The following SAG variants were observed in gnomAD, a reference collection of about 807,000 sequenced individuals.
The protein encoded by SAG is S-arrestin.
Under a neutral mutation model 55.0 loss-of-function variants are expected in SAG, and 45 were observed. The observed-to-expected ratio is 0.82, with a 90% confidence interval of 0.64 to 1.05. SAG has a LOEUF of 1.05. SAG is among the 50% of genes least tolerant of loss of function. The pLI is 0.00. For missense variants in SAG, 455 were observed against 512.1 expected (o/e 0.89, Z 1.08); for synonymous variants, 189 against 197.4 (o/e 0.96, Z 0.36).
chr2:233,323,173 C>T (rs1700438843), intron 6 of SAG, among the ~76,000 whole-genome samples, 168 bp downstream of exon 6: 1 of 152,196 alleles, frequency 6.6e-6, no homozygotes, highest in African/African-American at 2.4e-5. Context: ...ATTCTCTAGC[C>T]TCAGCATCCT....
At chr2:233,346,632 A>G (rs1283101205) in intron 15 of SAG, among the ~76,000 whole-genome samples, 175 bp from the exon 16 acceptor site, 1 of 152,114 alleles carries the variant, frequency 6.6e-6, no homozygotes, top group Non-Finnish European at 1.5e-5. Flanking sequence ...GTTTTCTCCC[A>G]TTGGTGCTAG....
chr2:233,328,290 A>G, intron 7 of SAG, 188 bp from the exon 8 acceptor site: 1 of 571,476 alleles, frequency 1.7e-6, no homozygotes, highest in Non-Finnish European at 2.9e-6. Context: ...CAGGACCCAG[A>G]CCCCCAGGCT....
chr2:233,310,091 C>T (rs1324056911), intron 2 of SAG, among the ~76,000 whole-genome samples: 2 of 152,214 alleles, frequency 1.3e-5, no homozygotes, highest in African/African-American at 4.8e-5. Flanking sequence ...CTTTCCACCA[C>T]TCTCCAGGGG....
chr2:233,328,793 G>T, intron 8 of SAG, 180 bp downstream of exon 8: 1 of 648,172 alleles, frequency 1.5e-6, no homozygotes, highest in Non-Finnish European at 2.5e-6. Context: ...GAGCTGGTCA[G>T]CATGGTCCTT....
At position 233,313,509 on chromosome 2, in the gene SAG, G is replaced by A. The variant is rs1008543054; in HGVS notation, c.76-2566G>A. ...GGCAGCCTCCAAATTGGTTGATTTG[G>A]GGAGAATTTTTTTTTTTTTGAGACA... On this transcript the variant is annotated intron_variant, in intron 2 of 15. Coordinates refer to ENST00000409110, the MANE Select transcript of SAG (RefSeq NM_000541.5). Among the ~76,000 whole-genome samples, 4 of 144,506 alleles carry A rather than the reference G, an allele frequency of 2.8e-5. No individual in the cohort carries two copies. In the East Asian group the frequency reaches 7.8e-4, roughly 28 times the overall value. The allele number at this position is 144,506 out of a possible 152,430, so 94.8% of individuals were successfully genotyped here. A position where few individuals can be genotyped will look rare whatever the true frequency, so the allele number is the denominator to read the frequency against.
chr2:233,311,236 T>A (rs1700068187), intron 2 of SAG, among the ~76,000 whole-genome samples: 1 of 152,210 alleles, frequency 6.6e-6, no homozygotes, highest in African/African-American at 2.4e-5. Flanking sequence ...TCTGTGATTC[T>A]CCCGACGCTG....
intron 8 of SAG, 81 bp from the exon 9 acceptor site, chr2:233,329,412 G>C (rs1700676687): frequency 2.4e-6 from 2 of 825,096 alleles, no homozygotes; most frequent in African/African-American, 3.4e-5. Flanking sequence ...GAAAGGGATT[G>C]AGATGAATCT....
intron 6 of SAG, among the ~76,000 whole-genome samples, chr2:233,326,706 T>C (rs776075091): frequency 1.3e-5 from 2 of 152,162 alleles, no homozygotes; most frequent in Non-Finnish European, 2.9e-5. Context: ...TATCAGGGCA[T>C]TCCTGGACCC....
intron 10 of SAG, 159 bp from the exon 11 acceptor site, chr2:233,334,803 C>T (rs552372662): frequency 9.4e-6 from 7 of 741,248 alleles, no homozygotes; most frequent in Admixed American, 7.8e-5. Context: ...AAGCACTGTT[C>T]TGCTTCTCGT....
Position 233,319,123 on chromosome 2 carries a change from G to A in SAG, c.181+328G>A, listed in dbSNP as rs898497688. 2.0e-6 allele frequency: 1 copy of A among 489,524 alleles called. No homozygotes were observed. Among genetic ancestry groups the A allele is most frequent in the African/African-American group, 1.9e-5 (1 of 51,890 alleles). 30.3% of individuals were successfully genotyped at this position (489,524 alleles called of 1,614,324 possible). A position where few individuals can be genotyped will look rare whatever the true frequency, so the allele number is the denominator to read the frequency against. ...TACTTCTGTGCTAGGGGCAAACTCA[G>A]GAGGGTGCCTGGGGTGCCTAGGACT... On this transcript the variant is annotated intron_variant, in intron 4 of 15. Coordinates refer to ENST00000409110, the MANE Select transcript of SAG (RefSeq NM_000541.5). The surrounding 1 kb of genome is among the most constrained non-coding windows in gnomAD (Gnocchi z 4.4).
At chr2:233,318,481 C>T (rs972554004) in intron 3 of SAG, among the ~76,000 whole-genome samples, 1 of 152,146 alleles carries the variant, frequency 6.6e-6, no homozygotes, top group African/African-American at 2.4e-5. Flanking sequence ...AGTCCTCCTG[C>T]CTTGGCCTCC....
intron 14 of SAG, chr2:233,343,063 T>C (rs2125353376): frequency 6.8e-6 from 1 of 147,358 alleles, no homozygotes; most frequent in East Asian, 2.0e-4. Context: ...TGGCTGAAGA[T>C]AACTGTTTTT....
intron 14 of SAG, 49 bp from the exon 15 acceptor site, chr2:233,346,354 A>C: frequency 6.2e-7 from 1 of 1,600,178 alleles, no homozygotes; most frequent in Non-Finnish European, 8.6e-7. Flanking sequence ...AGACTAACAA[A>C]TGTCTCTCTC....
intron 7 of SAG, chr2:233,328,218 G>A: frequency 5.0e-6 from 2 of 398,404 alleles, no homozygotes; most frequent in Non-Finnish European, 9.0e-6. Context: ...CGGAGCCTAA[G>A]GGGCTAAGCT....
At chr2:233,315,995 C>T (rs949368122) in intron 2 of SAG, 80 bp from the exon 3 acceptor site, 117 of 845,470 alleles carry the variant, frequency 1.4e-4, no homozygotes, top group Non-Finnish European at 1.3e-4. Context: ...CCACCGCGCC[C>T]GGGCTGCTGC....
chr2:233,329,637 C>A, intron 9 of SAG, 60 bp downstream of exon 9: 1 of 1,192,466 alleles, frequency 8.4e-7, no homozygotes, highest in Non-Finnish European at 1.2e-6. Context: ...ATCCTGTTTC[C>A]TGAGAGGTCA....
At chr2:233,310,484 G>C (rs1700048006) in intron 2 of SAG, among the ~76,000 whole-genome samples, 1 of 150,972 alleles carries the variant, frequency 6.6e-6, no homozygotes, top group South Asian at 2.1e-4. Context: ...CTACTGGACA[G>C]GGTAGCTCGC....
At chr2:233,317,835 G>A (rs1700253925) in intron 3 of SAG, among the ~76,000 whole-genome samples, 1 of 152,212 alleles carries the variant, frequency 6.6e-6, no homozygotes, top group Non-Finnish European at 1.5e-5. Flanking sequence ...GTGTATAGAT[G>A]TATGTATGTG....
At chr2:233,318,985 A>T (rs1193592542) in intron 4 of SAG, 190 bp downstream of exon 4, 1 of 720,128 alleles carries the variant, frequency 1.4e-6, no homozygotes, top group East Asian at 2.7e-5. Context: ...GGTCCTGTTG[A>T]CACCAGAGCT....
Sources: allele counts gnomAD v4.1 joint callset (sites outside exome capture counted in the v4.1 genomes callset), GRCh38; gene constraint gnomAD v4.1.1; non-coding constraint Gnocchi (gnomAD v3.1); transcripts MANE v1.5; gene names NCBI Gene and HGNC (gene_info 2026-07-23, HGNC 2026-07-21).